Variants in YTHDC2 observed in about 807,000 individuals in gnomAD.
YTHDC2 encodes YTH N6-methyladenosine RNA binding protein C2.
Under a neutral mutation model 174.9 loss-of-function variants are expected in YTHDC2, and 45 were observed. The observed-to-expected ratio is 0.26, with a 90% CI of 0.20 to 0.33. The LOEUF (loss-of-function observed/expected upper bound fraction) is 0.33. YTHDC2 is among the 10% of genes least tolerant of loss of function. The pLI, the probability that YTHDC2 is intolerant of heterozygous loss-of-function variation, is 1.00. For synonymous variants in YTHDC2, 657 were observed against 574.5 expected (o/e 1.14, Z -2.05); for missense variants, 1,650 against 1,723.7 (o/e 0.96, Z 0.76).
At chr5:113,533,108 C>G (rs1774794282) in intron 5 of YTHDC2, 63 bp downstream of exon 5, 3 of 1,546,062 alleles carry the variant, frequency 1.9e-6, no homozygotes, top group Non-Finnish European at 2.6e-6. Context: ...GTATATTTCA[C>G]TAAAAATAGA....
intron 23 of YTHDC2, among the ~76,000 whole-genome samples, chr5:113,572,869 C>G (rs748825418): frequency 1.3e-5 from 2 of 152,170 alleles, no homozygotes; most frequent in Non-Finnish European, 2.9e-5. Context: ...TGAGATGGGT[C>G]TTTTGAAGAC....
chr5:113,584,708 A>G (rs377232685), intron 26 of YTHDC2, among the ~76,000 whole-genome samples: 3 of 151,026 alleles, frequency 2.0e-5, no homozygotes, highest in Admixed American at 6.6e-5. Flanking sequence ...CTTTAAAACT[A>G]TAGATCATTC....
intron 5 of YTHDC2, among the ~76,000 whole-genome samples, chr5:113,534,020 C>T (rs978995823): frequency 7.2e-5 from 11 of 151,884 alleles, no homozygotes; most frequent in African/African-American, 7.3e-5. Flanking sequence ...AATCTGATTC[C>T]ATTTGTAACA....
At chr5:113,571,403 C>T (rs1777708296) in intron 23 of YTHDC2, among the ~76,000 whole-genome samples, 1 of 152,182 alleles carries the variant, frequency 6.6e-6, no homozygotes, top group Non-Finnish European at 1.5e-5. Flanking sequence ...AGAATTTTTG[C>T]ACTGATATTC....
chr5:113,553,052 ATAT>A, intron 12 of YTHDC2, 126 bp from the exon 13 acceptor site: 1 of 914,616 alleles, frequency 1.1e-6, no homozygotes, highest in Non-Finnish European at 1.5e-6. Flanking sequence ...AACATGAATC[ATAT>A]TATAGCTAGG....
Position 113,581,562 on chromosome 5 carries a change from C to T in YTHDC2, c.3500C>T (p.Ala1167Val), listed in dbSNP as rs1778404218. Residue 1167 changes from alanine to valine, a missense_variant, in exon 25 of 30, where the codon GCA becomes GTA. Physicochemically the swap from Ala to Val is moderately conservative, Grantham distance 64. Transcript: ENST00000161863. ...GTTTTAAGCACTGAAGAACAGTCTG[C>T]AGGTTTACAACAACCATCTGGGATT... ...IAVLSTEEQS[A>V]GLQQPSGIGQ... 1.2e-6 allele frequency: 2 copies of T among 1,613,932 alleles called. No individual in the cohort carries two copies. The highest frequency in any genetic ancestry group is 1.7e-5 in the Admixed American group (1 of 59,996).
At chr5:113,537,550 T>C (rs897817245) in intron 7 of YTHDC2, among the ~76,000 whole-genome samples, 2 of 151,966 alleles carry the variant, frequency 1.3e-5, no homozygotes, top group Non-Finnish European at 1.5e-5. Context: ...TCCTTTTTTT[T>C]TTTTCTGTTC....
At chr5:113,514,481 A>G (rs1231923130) in intron 1 of YTHDC2, among the ~76,000 whole-genome samples, 1 of 152,160 alleles carries the variant, frequency 6.6e-6, no homozygotes, top group Non-Finnish European at 1.5e-5. Flanking sequence ...CATATAAATA[A>G]ATGCACCAGC....
intron 7 of YTHDC2, among the ~76,000 whole-genome samples, chr5:113,536,222 T>A (rs77854807): frequency 0.037 from 5,648 of 152,210 alleles, 363 homozygotes; most frequent in African/African-American, 0.12. Flanking sequence ...GATAAATTCC[T>A]CTTCAAAAAA....
intron 26 of YTHDC2, among the ~76,000 whole-genome samples, chr5:113,589,302 GTTT>G (rs1778859845): frequency 6.8e-6 from 1 of 146,522 alleles, no homozygotes; most frequent in Non-Finnish European, 1.5e-5. Flanking sequence ...GTTCACTGAT[GTTT>G]TTATTTAGTG....
intron 2 of YTHDC2, among the ~76,000 whole-genome samples, chr5:113,524,133 T>A (rs1334852168): frequency 6.6e-6 from 1 of 152,156 alleles, no homozygotes; most frequent in Non-Finnish European, 1.5e-5. Context: ...GTGCCACAAC[T>A]AGTAAGTGGT....
intron 28 of YTHDC2, 196 bp downstream of exon 28, chr5:113,592,374 C>A: frequency 2.2e-6 from 1 of 456,866 alleles, no homozygotes; most frequent in Non-Finnish European, 3.8e-6. Flanking sequence ...CAGTCAGAGT[C>A]TCAAGATGAC....
Position 113,566,154 on chromosome 5 carries a change from A to G in YTHDC2, c.2842+135A>G, listed in dbSNP as rs546644659. 94 of 1,065,188 alleles carry G rather than the reference A, an allele frequency of 8.8e-5. No individual in the cohort carries two copies. The South Asian group carries it at 1.9e-3, about 21-fold the overall frequency. 66.0% of individuals were successfully genotyped at this position (1,065,188 alleles called of 1,614,324 possible). A position where few individuals can be genotyped will look rare whatever the true frequency, so the allele number is the denominator to read the frequency against. ...CATGTTGTGTATCTTATATTCATGC[A>G]TGATTTGTAGACTTCGATATGTCTT... On this transcript the variant is annotated intron_variant, in intron 21 of 29. Transcript: ENST00000161863.
Position 113,564,137 on chromosome 5 carries a change from A to G in YTHDC2, c.2715+6A>G, listed in dbSNP as rs769453509. ...CACTTCTCAGAGCATTCCAGGTACT[A>G]TTACTGTCATTTTATTTCTGAAGAC... is the stretch of plus-strand genomic sequence containing the variant. On this transcript the variant is annotated splice_donor_region_variant and intron_variant, in intron 20 of 29. Transcript: ENST00000161863. 4.4e-6 allele frequency: 7 copies of G among 1,592,356 alleles called. No individual in the cohort carries two copies. Among genetic ancestry groups the G allele is most frequent in the South Asian group, 2.3e-5 (2 of 88,036 alleles).
Position 113,594,846 on chromosome 5 carries a change from C to G in YTHDC2, c.*1372C>G, listed in dbSNP as rs1390839334. On this transcript the variant is annotated 3_prime_UTR_variant, in exon 30 of 30. Transcript: ENST00000161863. ...GAAAAATCATGGGTCAACATAAAAT[C>G]TTGAGAACCTTCTACTTTCTCTGGG... 6.6e-6 allele frequency: 1 copy of G among 152,114 alleles called. No individual in the cohort carries two copies. Among genetic ancestry groups the G allele is most frequent in the Non-Finnish European group, 1.5e-5 (1 of 68,010 alleles). 9.4% of individuals were successfully genotyped at this position (152,114 alleles called of 1,614,324 possible).
Position 113,593,658 on chromosome 5 carries a change from A to G in YTHDC2, c.*184A>G. Reference sequence around the variant, plus strand: ...AAGCATTTAAATTTTTATAGTGATTATAGAGAATGATTATATGATGTTTGT... The same window carrying G: ...AAGCATTTAAATTTTTATAGTGATTGTAGAGAATGATTATATGATGTTTGT... On this transcript the variant is annotated 3_prime_UTR_variant, in exon 30 of 30. Coordinates refer to ENST00000161863, the MANE Select transcript of YTHDC2 (RefSeq NM_022828.5). 2 of 240,470 alleles carry G rather than the reference A, an allele frequency of 8.3e-6. No individual in the cohort carries two copies. The highest frequency in any genetic ancestry group is 1.6e-5 in the Non-Finnish European group (2 of 124,224). 14.9% of individuals were successfully genotyped at this position (240,470 alleles called of 1,614,324 possible).
rs1423675179 is a variant in YTHDC2, at chr5:113,540,950, C to G, written c.1211-18C>G. ...GAAATGATTTGTCTACATATTCTTT[C>G]TTTGATAATTAATTTAGAAGAGAAA... On this transcript the variant is annotated intron_variant, in intron 8 of 29. Transcript: ENST00000161863. 1 of 1,601,584 alleles carries G rather than the reference C, an allele frequency of 6.2e-7. No homozygotes were observed. The highest frequency in any genetic ancestry group is 2.2e-5 in the East Asian group (1 of 44,764).
At chr5:113,538,887 CA>C (rs1327281850) in intron 7 of YTHDC2, among the ~76,000 whole-genome samples, 186 bp from the exon 8 acceptor site, 3 of 152,098 alleles carry the variant, frequency 2.0e-5, no homozygotes, top group African/African-American at 7.2e-5. Flanking sequence ...CCCAAGCACA[CA>C]AACAGTTGTC....
At position 113,553,623 on chromosome 5, in the gene YTHDC2, A is replaced by G. The variant is rs1221046463; in HGVS notation, c.1901A>G (p.Glu634Gly). Reference protein sequence around the residue: ...AVLIFLPGYDEIVGLRDRILF... With the variant: ...AVLIFLPGYDGIVGLRDRILF... ...CTAATTTTTCTGCCTGGATATGACG[A>G]AATTGTTGGACTGAGAGATCGCATC... is the stretch of plus-strand genomic sequence containing the variant. Residue 634 changes from glutamate to glycine, a missense_variant, in exon 14 of 30, where the codon GAA becomes GGA. Glu to Gly is a moderately conservative substitution (Grantham distance 98). Transcript: ENST00000161863. The G allele has an allele frequency of 6.2e-7, 1 of 1,613,408 alleles. No homozygotes were observed. Among genetic ancestry groups the G allele is most frequent in the Non-Finnish European group, 8.5e-7 (1 of 1,179,574 alleles).
Sources: allele counts gnomAD v4.1 joint callset (sites outside exome capture counted in the v4.1 genomes callset), GRCh38; gene constraint gnomAD v4.1.1; transcripts MANE v1.5; gene names NCBI Gene and HGNC (gene_info 2026-07-23, HGNC 2026-07-21).